SLC29A4: variants seen among roughly 807,000 people sequenced by gnomAD.
SLC29A4 encodes the protein equilibrative nucleoside transporter 4.
In SLC29A4, 36 loss-of-function variants were observed where a neutral mutation model predicts 43.9. The observed-to-expected ratio is 0.82, with a 90% CI of 0.63 to 1.08. The LOEUF (loss-of-function observed/expected upper bound fraction) is 1.08. Ranked by LOEUF, SLC29A4 falls within the 50% of genes least tolerant of loss-of-function variation. SLC29A4 has a pLI of 0.00. For missense variants in SLC29A4, 869 were observed against 755.3 expected (o/e 1.15, Z -1.77); for synonymous variants, 491 against 338.0 (o/e 1.45, Z -4.97).
chr7:5,291,582 A>G, intron 4 of SLC29A4, 111 bp from the exon 5 acceptor site: 3 of 1,410,626 alleles, frequency 2.1e-6, no homozygotes, highest in Non-Finnish European at 2.9e-6. Flanking sequence ...GGCCCTCCTT[A>G]AAGGGGAAGG....
At chr7:5,293,094 CCT>C (rs1785416747) in intron 5 of SLC29A4, among the ~76,000 whole-genome samples, 1 of 151,760 alleles carries the variant, frequency 6.6e-6, no homozygotes, top group African/African-American at 2.4e-5. Flanking sequence ...TTCACCCACC[CCT>C]GTGTTTCATG....
In SLC29A4 at chr7:5,283,207, G is replaced by GCCCT. The variant is rs1268784246; in HGVS notation, c.-9+128_-9+129insTCCC. On this transcript the variant is annotated intron_variant, in intron 1 of 10. Coordinates refer to ENST00000396872, the MANE Select transcript of SLC29A4 (RefSeq NM_153247.4). The stretch of plus-strand genomic sequence containing the variant: ...GGGCGCTGCCCCCTCTCCCCAGCCC[G>GCCCT]CCCCTGTCCCGGGAACCCGAGGCCA... 7.2e-4 allele frequency: 73 copies of GCCCT among 101,616 alleles called. 1 individual carries two copies. Among genetic ancestry groups the GCCCT allele is most frequent in the Non-Finnish European group, 1.4e-4 (7 of 49,328 alleles). 6.3% of individuals were successfully genotyped at this position (101,616 alleles called of 1,614,324 possible).
chr7:5,286,612 C>G (rs1441258265), intron 1 of SLC29A4, among the ~76,000 whole-genome samples: 1 of 152,124 alleles, frequency 6.6e-6, no homozygotes, highest in African/African-American at 2.4e-5. Context: ...ACAGTGCAAG[C>G]GTCTCCATCA....
chr7:5,284,703 G>T (rs915449175), intron 1 of SLC29A4, among the ~76,000 whole-genome samples: 2 of 152,212 alleles, frequency 1.3e-5, no homozygotes, highest in African/African-American at 4.8e-5. Context: ...AAAGGTGGGG[G>T]AGAGCGGCTG....
chr7:5,291,988 A>G (rs1562445947), intron 5 of SLC29A4, among the ~76,000 whole-genome samples, 167 bp downstream of exon 5: 1 of 152,172 alleles, frequency 6.6e-6, no homozygotes, highest in Non-Finnish European at 1.5e-5. Context: ...TCACACCCAC[A>G]GGAGCCTGTG....
At chr7:5,290,633 G>C (rs950531458) in intron 2 of SLC29A4, 99 bp from the exon 3 acceptor site, 1 of 1,477,518 alleles carries the variant, frequency 6.8e-7, no homozygotes, top group Non-Finnish European at 9.2e-7. Context: ...ATGGACAGTG[G>C]CTATGGTGAT....
chr7:5,290,767 G>A lies in SLC29A4; in HGVS notation c.205G>A (p.Ala69Thr), dbSNP rs1785253292. The change falls in exon 3 of 11, where the codon GCC (alanine) becomes ACC (threonine). Residue 69 changes from alanine to threonine, a missense_variant. Physicochemically the swap from Ala to Thr is moderately conservative, Grantham distance 58. Transcript: ENST00000396872. Reference sequence around the variant, plus strand: ...GCCAGTGCCCGATGACCGTTATCACGCCATCTACTTTGCGATGCTGCTGGC... The same window carrying A: ...GCCAGTGCCCGATGACCGTTATCACACCATCTACTTTGCGATGCTGCTGGC... ...DEPVPDDRYH[A>T]IYFAMLLAGV... 2.5e-6 allele frequency: 4 copies of A among 1,613,888 alleles called. No homozygotes were observed. The highest frequency in any genetic ancestry group is 3.4e-6 in the Non-Finnish European group (4 of 1,179,854).
At chr7:5,283,287 C>A (rs1449593239) in intron 1 of SLC29A4, among the ~76,000 whole-genome samples, 1 of 151,702 alleles carries the variant, frequency 6.6e-6, no homozygotes, top group Non-Finnish European at 1.5e-5. Flanking sequence ...AAGCGCGGAC[C>A]CGGACCCCTG....
chr7:5,284,839 A>G (rs1784856853), intron 1 of SLC29A4, among the ~76,000 whole-genome samples: 1 of 152,210 alleles, frequency 6.6e-6, no homozygotes. Flanking sequence ...CTGGATGCCA[A>G]GCACGTCCGC....
Position 5,300,650 on chromosome 7 carries a change from C to A in SLC29A4, c.1438C>A (p.Arg480=), listed in dbSNP as rs148542712. 6.2e-7 allele frequency: 1 copy of A among 1,608,196 alleles called. No individual in the cohort carries two copies. Among genetic ancestry groups the A allele is most frequent in the Non-Finnish European group, 8.5e-7 (1 of 1,178,720 alleles). The part of the protein sequence containing the change: ...LAAGKVSPKQ[R]ELAGNTMTVS... ...GGCAGGCAAAGTGAGCCCCAAGCAG[C>A]GGGAGCTGGCAGGTGAGGCCCGCGG... Residue 480 remains arginine, a synonymous_variant, in exon 10 of 11, where the codon CGG becomes AGG. Transcript: ENST00000396872.
chr7:5,294,380 G>T (rs554525851), intron 5 of SLC29A4, among the ~76,000 whole-genome samples: 13 of 152,246 alleles, frequency 8.5e-5, no homozygotes, highest in Non-Finnish European at 1.8e-4. Flanking sequence ...TAGTTAGGAT[G>T]AGAGGGGTTA....
chr7:5,288,678 G>A (rs147127308), intron 2 of SLC29A4, among the ~76,000 whole-genome samples: 3,860 of 152,210 alleles, frequency 0.025, 204 homozygotes, highest in African/African-American at 0.088. Context: ...CACTGCAAAG[G>A]AGCCAGGAAA....
intron 2 of SLC29A4, among the ~76,000 whole-genome samples, chr7:5,290,358 T>C (rs1337046214): frequency 2.2e-4 from 34 of 152,096 alleles, no homozygotes; most frequent in Non-Finnish European, 1.5e-5. Flanking sequence ...CCACGGCGCC[T>C]GGCCATTTTT....
intron 1 of SLC29A4, among the ~76,000 whole-genome samples, chr7:5,284,032 A>ACCCCCCCCCCCCCCCCCCCCCC (rs79051188): frequency 1.4e-5 from 1 of 72,250 alleles, no homozygotes. Flanking sequence ...GAGCTGCACG[A>ACCCCCCCCCCCCCCCCCCCCCC]CCCCCCCCCC....
chr7:5,288,946 GTCT>G (rs1012054305), intron 2 of SLC29A4, among the ~76,000 whole-genome samples: 4 of 152,146 alleles, frequency 2.6e-5, no homozygotes, highest in Non-Finnish European at 2.9e-5. Context: ...GACCCTCGGT[GTCT>G]TCTTCTGGAA....
At chr7:5,290,476 C>G (rs1387211411) in intron 2 of SLC29A4, among the ~76,000 whole-genome samples, 2 of 152,214 alleles carry the variant, frequency 1.3e-5, no homozygotes. Flanking sequence ...GGATTACAGA[C>G]GTGAGCTGGT....
rs779423071 is a variant in SLC29A4 at position 5,297,063 on chromosome 7, C to A, written c.747C>A (p.His249Gln). 6.2e-7 allele frequency: 1 copy of A among 1,607,948 alleles called. No individual in the cohort carries two copies. Residue 249 changes from histidine to glutamine, a missense_variant, in exon 7 of 11, where the codon CAC becomes CAA. His to Gln is a conservative substitution (Grantham distance 24). Transcript: ENST00000396872. ...TGGAGCTGCTGTGTTTCCTGCTGCA[C>A]CTGTTAGTGCGGCGCAGCCGCTTCG... ...VALELLCFLL[H>Q]LLVRRSRFVL... is the part of the protein sequence containing the mutation.
chr7:5,292,035 A>G (rs1306924678), intron 5 of SLC29A4, among the ~76,000 whole-genome samples: 1 of 152,226 alleles, frequency 6.6e-6, no homozygotes, highest in Admixed American at 6.5e-5. Flanking sequence ...GTGTAGCCAC[A>G]GAGACTCTGA....
intron 5 of SLC29A4, 132 bp downstream of exon 5, chr7:5,291,953 C>A: frequency 7.7e-7 from 1 of 1,305,154 alleles, no homozygotes; most frequent in Non-Finnish European, 1.0e-6. Flanking sequence ...TGTGTGTCCA[C>A]CTGCATGCCA....
Sources: gnomAD v4.1 joint callset for allele counts (sites outside exome capture counted in the v4.1 genomes callset) on GRCh38, gnomAD v4.1.1 for gene constraint, MANE v1.5 for transcripts, NCBI Gene and HGNC (gene_info 2026-07-23, HGNC 2026-07-21) for gene names.